Variants in PATJ observed in about 807,000 individuals in gnomAD.
PATJ encodes the protein PATJ crumbs cell polarity complex component.
In PATJ, 190 loss-of-function variants were observed where a neutral mutation model predicts 224.9. The ratio of observed to expected loss-of-function variants is 0.84; its 90% confidence interval spans 0.75 to 0.95. The LOEUF (loss-of-function observed/expected upper bound fraction) is 0.95, where lower values mean the gene tolerates loss of function less well. PATJ is among the 40% of genes least tolerant of loss of function. The pLI, the probability that PATJ is intolerant of heterozygous loss-of-function variation, is 0.00. For synonymous variants in PATJ, 769 were observed against 820.3 expected, an observed-to-expected ratio of 0.94 and a Z score of 1.07; for missense variants, 2,121 against 2,270.3, an observed-to-expected ratio of 0.93 and a Z score of 1.34.
chr1:62,121,987 C>T (rs1482068598), intron 38 of PATJ, among the ~76,000 whole-genome samples: 4 of 151,690 alleles, frequency 2.6e-5, no homozygotes, highest in Non-Finnish European at 5.9e-5. Flanking sequence ...TCCTTGGGGG[C>T]AGGGTGGGAC....
chr1:61,939,676 C>CTTT (rs71050183), intron 27 of PATJ, among the ~76,000 whole-genome samples: 1,455 of 58,842 alleles, frequency 0.025, 467 homozygotes, highest in Non-Finnish European at 0.033. Flanking sequence ...TTTCTATGTG[C>CTTT]TTTTTTTTTT....
At chr1:61,858,541 C>T (rs866296355) in intron 18 of PATJ, among the ~76,000 whole-genome samples, 4 of 152,114 alleles carry the variant, frequency 2.6e-5, no homozygotes, top group East Asian at 1.9e-4. Flanking sequence ...AGATTACAGG[C>T]GTGAGCCACC....
intron 28 of PATJ, among the ~76,000 whole-genome samples, chr1:61,993,908 C>T (rs949649685): frequency 6.6e-6 from 1 of 152,114 alleles, no homozygotes; most frequent in African/African-American, 2.4e-5. Context: ...TATTGGACTC[C>T]TCCTATGCTT....
chr1:61,800,726 C>T (rs1652296491), intron 11 of PATJ, among the ~76,000 whole-genome samples: 1 of 152,108 alleles, frequency 6.6e-6, no homozygotes, highest in Non-Finnish European at 1.5e-5. Context: ...GCTATCCCTC[C>T]CCTTCTTCCC....
chr1:62,107,107 C>A lies in PATJ; in HGVS notation c.4378-1330C>A, dbSNP rs934586563. ...GGATCACAAGGTCAGGAGATTGAGA[C>A]CATCCTGGCTAACACGGTGAAACCC... On this transcript the variant is annotated intron_variant, in intron 33 of 43. Coordinates refer to ENST00000642238, the MANE Select transcript of PATJ (RefSeq NM_001350145.3). 3.3e-5 allele frequency among the ~76,000 whole-genome samples: 5 copies of A among 152,000 alleles called. No individual in the cohort carries two copies. In the South Asian group the frequency reaches 8.3e-4, roughly 25 times the overall value.
At chr1:61,977,117 T>C (rs530927901) in intron 27 of PATJ, among the ~76,000 whole-genome samples, 2 of 152,240 alleles carry the variant, frequency 1.3e-5, no homozygotes, top group South Asian at 4.1e-4. Context: ...AGATGGGGTC[T>C]CACTCTGTTG....
At chr1:61,998,064 A>C (rs1645522501) in intron 28 of PATJ, among the ~76,000 whole-genome samples, 1 of 136,016 alleles carries the variant, frequency 7.4e-6, no homozygotes. Context: ...TATATAATAA[A>C]TATATATTAT....
At chr1:61,912,952 T>G (rs1011641487) in intron 25 of PATJ, among the ~76,000 whole-genome samples, 1 of 152,188 alleles carries the variant, frequency 6.6e-6, no homozygotes, top group Non-Finnish European at 1.5e-5. Context: ...TTGTTATATG[T>G]ATTAAACAGA....
At chr1:62,131,727 C>T (rs1666284597) in intron 41 of PATJ, among the ~76,000 whole-genome samples, 1 of 151,956 alleles carries the variant, frequency 6.6e-6, no homozygotes, top group Non-Finnish European at 1.5e-5. Flanking sequence ...TTTGAGGCTG[C>T]AGTGAGCTAT....
intron 27 of PATJ, among the ~76,000 whole-genome samples, chr1:61,971,713 G>A (rs115244251): frequency 0.02 from 3,080 of 152,012 alleles, 72 homozygotes; most frequent in African/African-American, 0.053. Flanking sequence ...TATTTGGGTG[G>A]CCAGGCAAAG....
chr1:61,816,970 G>T (rs770340962), intron 14 of PATJ, among the ~76,000 whole-genome samples: 5 of 152,136 alleles, frequency 3.3e-5, no homozygotes, highest in Non-Finnish European at 2.9e-5. Flanking sequence ...TTCCTTTCTT[G>T]CCTCACTCCG....
At chr1:61,758,586 A>G (rs1356795529) in intron 1 of PATJ, among the ~76,000 whole-genome samples, 8 of 152,154 alleles carry the variant, frequency 5.3e-5, no homozygotes, top group Non-Finnish European at 1.0e-4. Context: ...ATCTCAAGTG[A>G]TCCGCCCACC....
chr1:62,117,070 A>T, intron 36 of PATJ, 62 bp from the exon 37 acceptor site: 2 of 1,361,880 alleles, frequency 1.5e-6, no homozygotes, highest in Non-Finnish European at 2.1e-6. Flanking sequence ...AGGCTCTGTT[A>T]AGATATTTCA....
rs565645633 is a variant in PATJ, at chr1:61,942,582, A to G, written c.3670+14753A>G. On this transcript the variant is annotated intron_variant, in intron 27 of 43. Coordinates refer to ENST00000642238, the MANE Select transcript of PATJ (RefSeq NM_001350145.3). ...TTTTTTTTTTTTAAGAGGGAGTCTC[A>G]CTCTGTCATCCAGGCTGGAGTACAG... Among the ~76,000 whole-genome samples the G allele has an allele frequency of 2.7e-5, 4 of 149,816 alleles. No individual in the cohort carries two copies. The South Asian group carries it at 8.5e-4, about 32-fold the overall frequency.
chr1:62,124,343 G>A (rs1432505044), intron 39 of PATJ, among the ~76,000 whole-genome samples: 1 of 152,008 alleles, frequency 6.6e-6, no homozygotes, highest in Non-Finnish European at 1.5e-5. Flanking sequence ...TCAGCCTTCT[G>A]AAGTGCTAGG....
intron 37 of PATJ, 112 bp downstream of exon 37, chr1:62,117,330 C>T: frequency 3.4e-6 from 5 of 1,485,386 alleles, no homozygotes; most frequent in Non-Finnish European, 4.5e-6. Context: ...AGCATATTCA[C>T]AGCACCAAGT....
At chr1:62,123,836 AT>A (rs900646418) in intron 39 of PATJ, among the ~76,000 whole-genome samples, 10 of 150,748 alleles carry the variant, frequency 6.6e-5, no homozygotes, top group African/African-American at 2.2e-4. Context: ...ATATTTCTCA[AT>A]TTTTGCTATC....
Position 61,787,775 on chromosome 1 carries a change from G to T in PATJ, c.871G>T (p.Asp291Tyr), listed in dbSNP as rs1648873319. The T allele has an allele frequency of 6.2e-7, 1 of 1,613,814 alleles. No individual in the cohort carries two copies. Among genetic ancestry groups the T allele is most frequent in the Non-Finnish European group, 8.5e-7 (1 of 1,179,814 alleles). Residue 291 changes from aspartate (D) to tyrosine (Y), a missense_variant, in exon 8 of 44, where the codon GAC becomes TAC. Coordinates refer to ENST00000642238, the MANE Select transcript of PATJ (RefSeq NM_001350145.3). ...GAAGGATGGAAGACTCCAGACAGGG[G>T]ACCACATCTTGAAGATTGGTGGCAC... ...ADRDGRLQTG[D>Y]HILKIGGTNV...
At chr1:61,961,692 G>A (rs761921723) in intron 27 of PATJ, among the ~76,000 whole-genome samples, 1 of 152,134 alleles carries the variant, frequency 6.6e-6, no homozygotes, top group Non-Finnish European at 1.5e-5. Flanking sequence ...TACAGGGCTG[G>A]GCGCGGTGGC....
Sources: allele counts gnomAD v4.1 joint callset (sites outside exome capture counted in the v4.1 genomes callset), GRCh38; gene constraint gnomAD v4.1.1; transcripts MANE v1.5; gene names NCBI Gene and HGNC (gene_info 2026-07-23, HGNC 2026-07-21).